Variants in LHFPL3 observed in about 807,000 individuals in gnomAD.
LHFPL3 encodes LHFPL tetraspan subfamily member 3 protein.
In LHFPL3, 5 loss-of-function variants were observed where a neutral mutation model predicts 19.3. The ratio of observed to expected loss-of-function variants is 0.26; its 90% CI spans 0.14 to 0.54. LHFPL3 has a LOEUF of 0.54. Ranked by LOEUF, LHFPL3 falls within the 20% of genes least tolerant of loss-of-function variation. The probability of loss-of-function intolerance (pLI) is 0.94; values close to 1 mark genes in which losing one functional copy is unlikely to be tolerated. For missense variants in LHFPL3, 249 were observed against 307.4 expected, an observed-to-expected ratio of 0.81 and a Z score of 1.42; for synonymous variants, 133 against 126.2, an observed-to-expected ratio of 1.05 and a Z score of -0.36.
intron 1 of LHFPL3, among the ~76,000 whole-genome samples, chr7:104,630,595 C>A (rs946345315): frequency 6.6e-6 from 1 of 152,130 alleles, no homozygotes; most frequent in Non-Finnish European, 1.5e-5. Context: ...AGGCAGGAGA[C>A]AGCTCCATTG....
rs190553365 is a variant in LHFPL3 at position 104,543,477 on chromosome 7, C to T, written c.446-193198C>T. Among the ~76,000 whole-genome samples, 787 of 151,856 alleles carry T rather than the reference C, an allele frequency of 5.2e-3. 4 individuals are homozygous for T. The highest frequency in any genetic ancestry group is 9.1e-3 in the Non-Finnish European group (621 of 67,980). On this transcript the variant is annotated intron_variant, in intron 1 of 2. Coordinates refer to ENST00000424859, the MANE Select transcript of LHFPL3 (RefSeq NM_199000.3). ...GACACATGCACACGTATATTTACTG[C>T]GACACTATTCAGAATAGCAAAGACT...
chr7:104,573,255 A>G (rs1053627192), intron 1 of LHFPL3, among the ~76,000 whole-genome samples: 4 of 152,170 alleles, frequency 2.6e-5, no homozygotes, highest in Non-Finnish European at 5.9e-5. Context: ...TTTGTTAAAA[A>G]TACAAAAATT....
chr7:104,488,639 A>G (rs1562913278), intron 1 of LHFPL3, among the ~76,000 whole-genome samples: 1 of 152,194 alleles, frequency 6.6e-6, no homozygotes. Context: ...GTCAAGGGAT[A>G]AGAGTAAGTT....
intron 1 of LHFPL3, among the ~76,000 whole-genome samples, chr7:104,382,757 A>G (rs1562880615): frequency 6.6e-6 from 1 of 152,230 alleles, no homozygotes. Context: ...TGATCTTATT[A>G]TGCTAAGATG....
At chr7:104,385,699 T>A (rs573805104) in intron 1 of LHFPL3, among the ~76,000 whole-genome samples, 1 of 145,842 alleles carries the variant, frequency 6.9e-6, no homozygotes, top group South Asian at 2.2e-4. Context: ...GTATAATGAG[T>A]TTTACTTTAA....
chr7:104,641,918 C>T (rs955831263), intron 1 of LHFPL3, among the ~76,000 whole-genome samples: 1 of 151,998 alleles, frequency 6.6e-6, no homozygotes, highest in South Asian at 2.1e-4. Flanking sequence ...GTTATCTATA[C>T]CTCAAAATAG....
chr7:104,401,560 A>G (rs1404532162), intron 1 of LHFPL3, among the ~76,000 whole-genome samples: 2 of 152,218 alleles, frequency 1.3e-5, no homozygotes, highest in African/African-American at 4.8e-5. Context: ...TTGAAAGACT[A>G]AAGCAGAAAT....
At chr7:104,490,541 A>G (rs1026058866) in intron 1 of LHFPL3, among the ~76,000 whole-genome samples, 7 of 152,048 alleles carry the variant, frequency 4.6e-5, no homozygotes, top group African/African-American at 1.4e-4. Context: ...CAGATCCAAG[A>G]ATTCTCTCTG....
In LHFPL3 at chr7:104,473,897, C is replaced by T. The variant is rs113051984; in HGVS notation, c.445+144673C>T. On this transcript the variant is annotated intron_variant, in intron 1 of 2. Coordinates refer to ENST00000424859, the MANE Select transcript of LHFPL3 (RefSeq NM_199000.3). ...GTAAAAGTAAAAAGTAAAACATTTA[C>T]TTGGGGATAAATATTTATAAAGCTC... Among the ~76,000 whole-genome samples, 1,426 of 152,320 alleles carry T rather than the reference C, an allele frequency of 9.4e-3. 20 individuals are homozygous for T. The highest frequency in any genetic ancestry group is 0.032 in the African/African-American group (1,342 of 41,570).
chr7:104,626,284 G>A (rs528061262), intron 1 of LHFPL3, among the ~76,000 whole-genome samples: 1 of 152,242 alleles, frequency 6.6e-6, no homozygotes, highest in East Asian at 1.9e-4. Flanking sequence ...CAAATTTCCT[G>A]CCTCTAGAGT....
rs57959088 is a variant in LHFPL3, at chr7:104,418,845, A to G, written c.445+89621A>G. Among the ~76,000 whole-genome samples, 1,315 of 152,312 alleles carry G rather than the reference A, an allele frequency of 8.6e-3. 77 individuals carry two copies. The East Asian group carries it at 0.16, about 19-fold the overall frequency. On this transcript the variant is annotated intron_variant, in intron 1 of 2. Coordinates refer to ENST00000424859, the MANE Select transcript of LHFPL3 (RefSeq NM_199000.3). ...GAGAAATACTCATTATTAGTATTCTAGCTAAAAGACAGTGAATCCTTCTGC... is the reference window on the plus strand; with the variant it reads ...GAGAAATACTCATTATTAGTATTCTGGCTAAAAGACAGTGAATCCTTCTGC...
chr7:104,430,427 T>C (rs1350866021), intron 1 of LHFPL3, among the ~76,000 whole-genome samples: 13 of 12,022 alleles, frequency 1.1e-3, no homozygotes, highest in South Asian at 3.3e-3. Context: ...TACATATATA[T>C]ATATATATAT....
At chr7:104,829,449 T>G (rs1321693645) in intron 2 of LHFPL3, among the ~76,000 whole-genome samples, 6 of 151,792 alleles carry the variant, frequency 4.0e-5, no homozygotes, top group East Asian at 1.9e-4. Context: ...CATTTAGCAT[T>G]AGGTATATCT....
intron 1 of LHFPL3, among the ~76,000 whole-genome samples, chr7:104,536,931 T>G (rs573478884): frequency 6.6e-6 from 1 of 152,238 alleles, no homozygotes; most frequent in Admixed American, 6.5e-5. Flanking sequence ...TCCTATATTC[T>G]TTCCTATAGT....
At position 104,643,637 on chromosome 7, in the gene LHFPL3, G is replaced by T. The variant is rs894591644; in HGVS notation, c.446-93038G>T. Reference sequence around the variant, plus strand: ...GCTGTGCACTGGAATCACCCAAAGAGCCTGGACCCCACCCCAAAGGAAATA... The same window carrying T: ...GCTGTGCACTGGAATCACCCAAAGATCCTGGACCCCACCCCAAAGGAAATA... On this transcript the variant is annotated intron_variant, in intron 1 of 2. Transcript: ENST00000424859. 2.0e-5 allele frequency among the ~76,000 whole-genome samples: 3 copies of T among 152,152 alleles called. No homozygotes were observed. In the South Asian group the frequency reaches 6.2e-4, roughly 32 times the overall value.
chr7:104,771,135 T>C (rs1794543205), intron 2 of LHFPL3, among the ~76,000 whole-genome samples: 1 of 152,126 alleles, frequency 6.6e-6, no homozygotes, highest in Non-Finnish European at 1.5e-5. Flanking sequence ...AGCCACACAG[T>C]ATGGGCAGCT....
intron 1 of LHFPL3, among the ~76,000 whole-genome samples, chr7:104,657,109 G>T (rs978723387): frequency 1.3e-5 from 2 of 152,182 alleles, no homozygotes; most frequent in Non-Finnish European, 2.9e-5. Flanking sequence ...CCTAACAGAA[G>T]ATAATACATG....
intron 1 of LHFPL3, among the ~76,000 whole-genome samples, chr7:104,706,840 T>C (rs1793199328): frequency 6.6e-6 from 1 of 152,234 alleles, no homozygotes. Context: ...GTTAATATTA[T>C]CCCAGATTAA....
chr7:104,623,763 C>T (rs561233403), intron 1 of LHFPL3, among the ~76,000 whole-genome samples: 3 of 152,322 alleles, frequency 2.0e-5, no homozygotes, highest in South Asian at 2.1e-4. Flanking sequence ...TCCTGGCCCA[C>T]GGCTGCAGCT....
Sources: gnomAD v4.1 joint callset for allele counts (sites outside exome capture counted in the v4.1 genomes callset) on GRCh38, gnomAD v4.1.1 for gene constraint, MANE v1.5 for transcripts, NCBI Gene and HGNC (gene_info 2026-07-23, HGNC 2026-07-21) for gene names.